PCDH15: variants seen among roughly 807,000 people sequenced by gnomAD.
The protein encoded by PCDH15 is protocadherin related 15.
PCDH15 carries 129 observed loss-of-function variants against 178.5 expected under a neutral mutation model. That is an observed-to-expected ratio of 0.72 (90% CI 0.63 to 0.84). The LOEUF is 0.84. Ranked by LOEUF, PCDH15 falls within the 40% of genes least tolerant of loss-of-function variation. PCDH15 has a pLI of 0.00. For missense variants in PCDH15, 2,230 were observed against 2,099.9 expected (o/e 1.06, Z -1.21); for synonymous variants, 800 against 732.0 (o/e 1.09, Z -1.50).
At chr10:54,714,785 A>G (rs1235443635) in intron 1 of PCDH15, among the ~76,000 whole-genome samples, 1 of 152,152 alleles carries the variant, frequency 6.6e-6, no homozygotes, top group Non-Finnish European at 1.5e-5. Context: ...TTCCCAAACT[A>G]TAACCTTTTG....
chr10:54,563,046 G>T (rs961373521), intron 2 of PCDH15, among the ~76,000 whole-genome samples: 2 of 152,072 alleles, frequency 1.3e-5, no homozygotes, highest in Non-Finnish European at 2.9e-5. Flanking sequence ...TTCTTAGCAG[G>T]CTTCAAACTA....
chr10:55,300,280 T>C (rs1005297364), intron 1 of PCDH15, among the ~76,000 whole-genome samples: 4 of 152,166 alleles, frequency 2.6e-5, no homozygotes, highest in Admixed American at 2.6e-4. Flanking sequence ...TTGTTTTCAG[T>C]ACATACAGAC....
Position 54,087,777 on chromosome 10 carries a change from G to T in PCDH15, c.1997+2207C>A, listed in dbSNP as rs4433495. On this transcript the variant is annotated intron_variant, in intron 16 of 37. Transcript: ENST00000644397. ...CCTTGCCCAAATCTCCTGTCAAATT[G>T]TCACCAATGTAGGAGATAGGACCTG... Among the ~76,000 whole-genome samples the T allele has an allele frequency of 5.0e-3, 761 of 152,228 alleles. 19 individuals are homozygous for T. In the East Asian group the frequency reaches 0.057, roughly 11 times the overall value.
intron 3 of PCDH15, among the ~76,000 whole-genome samples, chr10:54,390,621 C>A (rs1221501853): frequency 1.3e-5 from 2 of 152,086 alleles, no homozygotes; most frequent in African/African-American, 4.8e-5. Context: ...GTAGTATAGG[C>A]TATCTTGTTT....
At chr10:54,361,765 T>C (rs1433490465) in intron 5 of PCDH15, among the ~76,000 whole-genome samples, 1 of 152,070 alleles carries the variant, frequency 6.6e-6, no homozygotes, top group Non-Finnish European at 1.5e-5. Context: ...ATATTAATGG[T>C]CTTACACTCT....
Position 55,593,965 on chromosome 10 carries a change from T to C in PCDH15, c.-156+33660A>G, listed in dbSNP as rs187396955. On this transcript the variant is annotated intron_variant, in intron 2 of 5. Coordinates refer to the PCDH15 transcript ENST00000613346. Reference sequence around the variant, plus strand: ...TTTAGTATTAATTGAAGGAAACTCATAGGAATTAGATGTCAGACATGAGGA... The same window carrying C: ...TTTAGTATTAATTGAAGGAAACTCACAGGAATTAGATGTCAGACATGAGGA... Among the ~76,000 whole-genome samples the C allele has an allele frequency of 8.6e-4, 131 of 151,984 alleles. 1 individual carries two copies. Among genetic ancestry groups the C allele is most frequent in the Non-Finnish European group, 1.5e-4 (10 of 67,808 alleles).
intron 1 of PCDH15, among the ~76,000 whole-genome samples, chr10:55,203,512 G>A (rs1053375804): frequency 1.3e-5 from 2 of 151,942 alleles, no homozygotes; most frequent in African/African-American, 2.4e-5. Context: ...ATCAGAAGCC[G>A]ACATTAGGAA....
chr10:55,362,527 C>T (rs1845254888), intron 2 of PCDH15, among the ~76,000 whole-genome samples: 1 of 152,008 alleles, frequency 6.6e-6, no homozygotes, highest in Admixed American at 6.6e-5. Flanking sequence ...GAATGTGTTC[C>T]CACCTAATTT....
chr10:54,771,046 A>C (rs948783449), intron 1 of PCDH15, among the ~76,000 whole-genome samples: 17 of 152,056 alleles, frequency 1.1e-4, no homozygotes, highest in Admixed American at 5.9e-4. Flanking sequence ...CTGAAATGCC[A>C]CGCTTACCCC....
chr10:53,996,670 A>G (rs551328926), intron 20 of PCDH15, among the ~76,000 whole-genome samples: 5 of 152,152 alleles, frequency 3.3e-5, no homozygotes, highest in Non-Finnish European at 7.4e-5. Context: ...AAGGAAGACC[A>G]TATTTTTCTG....
chr10:53,822,976 G>C, intron 32 of PCDH15: 1 of 1,614,056 alleles, frequency 6.2e-7, no homozygotes, highest in Non-Finnish European at 8.5e-7. Context: ...TTCCTCATCA[G>C]CCTCCTGGGT....
chr10:54,755,013 A>C (rs1946881866), intron 1 of PCDH15, among the ~76,000 whole-genome samples: 1 of 135,974 alleles, frequency 7.4e-6, no homozygotes, highest in Admixed American at 8.6e-5. Flanking sequence ...CAATGGCACG[A>C]TCTTGGCTCA....
At chr10:54,937,189 G>T (rs1316838765) in intron 2 of PCDH15, among the ~76,000 whole-genome samples, 2 of 151,960 alleles carry the variant, frequency 1.3e-5, no homozygotes, top group Admixed American at 6.6e-5. Context: ...CCTATGTCAA[G>T]ATCATACTTT....
chr10:55,013,564 T>C (rs1373483355), intron 2 of PCDH15, among the ~76,000 whole-genome samples: 1 of 152,174 alleles, frequency 6.6e-6, no homozygotes, highest in Non-Finnish European at 1.5e-5. Flanking sequence ...TAAACTGCAG[T>C]ACCTACCATC....
In PCDH15 at chr10:54,528,239, A is replaced by G. The variant is rs2083549735; in HGVS notation, c.92-362T>C. 3.9e-6 allele frequency: 3 copies of G among 774,332 alleles called. No individual in the cohort carries two copies. In the Admixed American group the frequency reaches 7.5e-5, roughly 19 times the overall value. The allele number at this position is 774,332 out of a possible 1,614,324, so 48.0% of individuals were successfully genotyped here. On this transcript the variant is annotated intron_variant, in intron 2 of 37. Transcript: ENST00000644397. ...TAAATTGTAATTAAAGCATCACAAC[A>G]GAAACAAACATAATTGGACTTTAAT...
intron 1 of PCDH15, among the ~76,000 whole-genome samples, chr10:54,779,980 T>C (rs1164022699): frequency 1.3e-5 from 2 of 152,190 alleles, no homozygotes; most frequent in African/African-American, 2.4e-5. Context: ...ATGGCAAGCA[T>C]ATAAGAAATA....
intron 2 of PCDH15, among the ~76,000 whole-genome samples, chr10:55,578,703 T>C (rs1026391249): frequency 2.6e-5 from 4 of 152,182 alleles, no homozygotes; most frequent in Non-Finnish European, 2.9e-5. Context: ...AGAGGTCTAA[T>C]TGACTCACAA....
intron 1 of PCDH15, among the ~76,000 whole-genome samples, chr10:55,309,479 T>C (rs1843520770): frequency 1.3e-5 from 2 of 151,608 alleles, no homozygotes; most frequent in African/African-American, 4.9e-5. Context: ...ATCATGCCAC[T>C]GCACTACTCT....
intron 2 of PCDH15, among the ~76,000 whole-genome samples, chr10:55,448,140 A>G (rs1301694852): frequency 6.6e-6 from 1 of 152,052 alleles, no homozygotes; most frequent in Admixed American, 6.6e-5. Context: ...AAAATAATTA[A>G]GAAACTAAAA....
Sources: gnomAD v4.1 joint callset for allele counts (sites outside exome capture counted in the v4.1 genomes callset) on GRCh38, gnomAD v4.1.1 for gene constraint, MANE v1.5 for transcripts, NCBI Gene and HGNC (gene_info 2026-07-23, HGNC 2026-07-21) for gene names.